The following DNER variants were observed in gnomAD, a reference collection of about 807,000 sequenced individuals.
DNER encodes the protein delta/notch like EGF repeat containing.
DNER carries 33 observed loss-of-function variants against 78.2 expected under a neutral mutation model. The observed-to-expected ratio is 0.42, with a 90% CI of 0.32 to 0.56. DNER has a LOEUF of 0.56. Among genes scored for constraint, DNER ranks in the 20% least tolerant of loss-of-function variants. The pLI is 0.11. For synonymous variants in DNER, 417 were observed against 384.8 expected (o/e 1.08, Z -0.98); for missense variants, 918 against 975.3 (o/e 0.94, Z 0.78).
intron 8 of DNER, among the ~76,000 whole-genome samples, chr2:229,430,562 C>T (rs55727371): frequency 6.6e-6 from 1 of 152,130 alleles, no homozygotes; most frequent in African/African-American, 2.4e-5. Context: ...GTGCTGGATG[C>T]TTCCTGCCCT....
chr2:229,588,602 T>C (rs1165459133), intron 2 of DNER, 114 bp from the exon 3 acceptor site: 2 of 825,558 alleles, frequency 2.4e-6, no homozygotes, highest in African/African-American at 3.4e-5. Flanking sequence ...GATGCGGGGG[T>C]AGGGCTAGAG....
At chr2:229,572,140 C>A (rs981156137) in intron 4 of DNER, among the ~76,000 whole-genome samples, 3 of 152,156 alleles carry the variant, frequency 2.0e-5, no homozygotes, top group Non-Finnish European at 4.4e-5. Flanking sequence ...TTCTCCCTCC[C>A]GTGTTGTTAC....
At position 229,522,025 on chromosome 2, in the gene DNER, A is replaced by C. The variant is rs550737253; in HGVS notation, c.994-9089T>G. ...ATTGCAAATGTTGTAGCTTATTATA[A>C]AAAAAAAAGACAAGCGTAGAAACAT... On this transcript the variant is annotated intron_variant, in intron 5 of 12. Transcript: ENST00000341772. 1.6e-4 allele frequency among the ~76,000 whole-genome samples: 24 copies of C among 149,846 alleles called. No individual in the cohort carries two copies. The South Asian group carries it at 5.3e-3, about 33-fold the overall frequency.
chr2:229,386,625 G>GA (rs1056610714), intron 11 of DNER, among the ~76,000 whole-genome samples: 36 of 136,298 alleles, frequency 2.6e-4, no homozygotes, highest in Middle Eastern at 3.5e-3. Flanking sequence ...AAATTTACAA[G>GA]AAAAAAAAAA....
At chr2:229,469,837 G>T (rs1694886458) in intron 7 of DNER, among the ~76,000 whole-genome samples, 1 of 152,176 alleles carries the variant, frequency 6.6e-6, no homozygotes, top group Admixed American at 6.5e-5. Flanking sequence ...CACCTACTCA[G>T]GAAGCTGAGG....
chr2:229,419,792 A>G (rs981922533), intron 8 of DNER, among the ~76,000 whole-genome samples: 11 of 151,562 alleles, frequency 7.3e-5, no homozygotes, highest in African/African-American at 2.4e-4. Context: ...CCTTCATTAG[A>G]TTATTTTCAT....
chr2:229,699,238 T>C (rs1268209098), intron 1 of DNER, among the ~76,000 whole-genome samples: 1 of 152,146 alleles, frequency 6.6e-6, no homozygotes, highest in African/African-American at 2.4e-5. Context: ...AGAATCTTGA[T>C]AAAATGGTTG....
At chr2:229,433,611 G>A (rs756158359) in intron 8 of DNER, among the ~76,000 whole-genome samples, 33 of 152,148 alleles carry the variant, frequency 2.2e-4, no homozygotes, top group Non-Finnish European at 3.4e-4. Context: ...ATTCAAATTC[G>A]TGAGGGCAAT....
At chr2:229,565,455 A>T (rs1052921784) in intron 4 of DNER, among the ~76,000 whole-genome samples, 1 of 152,216 alleles carries the variant, frequency 6.6e-6, no homozygotes, top group Non-Finnish European at 1.5e-5. Flanking sequence ...GGCTCTAGGC[A>T]TTACTTAAAG....
At chr2:229,642,611 G>T (rs931052566) in intron 1 of DNER, among the ~76,000 whole-genome samples, 1 of 152,218 alleles carries the variant, frequency 6.6e-6, no homozygotes, top group Non-Finnish European at 1.5e-5. Flanking sequence ...AGCCAGGTGA[G>T]TCACGGAAGT....
At position 229,551,494 on chromosome 2, in the gene DNER, C is replaced by T. The variant is rs928941065; in HGVS notation, c.848-4402G>A. Among the ~76,000 whole-genome samples the T allele has an allele frequency of 3.9e-5, 6 of 151,972 alleles. No homozygotes were observed. In the East Asian group the frequency reaches 9.7e-4, roughly 25 times the overall value. On this transcript the variant is annotated intron_variant, in intron 4 of 12. Coordinates refer to ENST00000341772, the MANE Select transcript of DNER (RefSeq NM_139072.4). ...ACTAAAAATTTAAAAATTAGCCAGG[C>T]GTGATGGTGAGCACCTGTAATCCCA...
At chr2:229,444,773 C>A (rs955723179) in intron 8 of DNER, among the ~76,000 whole-genome samples, 3 of 151,924 alleles carry the variant, frequency 2.0e-5, no homozygotes, top group African/African-American at 7.3e-5. Flanking sequence ...CCTGTAATCC[C>A]AACTACTTGG....
At chr2:229,700,296 G>A (rs6729787) in intron 1 of DNER, among the ~76,000 whole-genome samples, 11 of 48,422 alleles carry the variant, frequency 2.3e-4, no homozygotes, top group African/African-American at 4.4e-4. Context: ...GTGTGTGTGT[G>A]TGTGTGTGTG....
intron 9 of DNER, among the ~76,000 whole-genome samples, chr2:229,417,430 G>C (rs927798172): frequency 3.3e-5 from 5 of 152,198 alleles, no homozygotes; most frequent in African/African-American, 1.2e-4. Context: ...GGTTCTCCTG[G>C]AACAGGGCCG....
intron 5 of DNER, among the ~76,000 whole-genome samples, chr2:229,538,488 C>T (rs908447691): frequency 6.6e-6 from 1 of 152,086 alleles, no homozygotes; most frequent in African/African-American, 2.4e-5. Flanking sequence ...CCTCAGCCTC[C>T]TGAGTAGCTG....
intron 4 of DNER, among the ~76,000 whole-genome samples, chr2:229,557,192 T>C (rs1369553409): frequency 1.3e-5 from 2 of 152,208 alleles, no homozygotes; most frequent in African/African-American, 4.8e-5. Flanking sequence ...AGAGTGATCA[T>C]TTGAGAGCTG....
chr2:229,484,825 A>G (rs79390017), intron 6 of DNER, among the ~76,000 whole-genome samples: 19,055 of 152,178 alleles, frequency 0.13, 1,336 homozygotes, highest in South Asian at 0.2. Flanking sequence ...AGTCCTTCAG[A>G]CTATAAACCT....
intron 1 of DNER, among the ~76,000 whole-genome samples, chr2:229,674,546 T>C (rs1201676159): frequency 6.6e-6 from 1 of 152,226 alleles, no homozygotes; most frequent in African/African-American, 2.4e-5. Flanking sequence ...CCCAAAGTGC[T>C]AGGGTTACAG....
chr2:229,678,651 C>T (rs115086526), intron 1 of DNER, among the ~76,000 whole-genome samples: 25 of 152,190 alleles, frequency 1.6e-4, no homozygotes, highest in African/African-American at 5.8e-4. Context: ...TCTCAGAACC[C>T]GCCCTATATG....
Sources: allele counts gnomAD v4.1 joint callset (sites outside exome capture counted in the v4.1 genomes callset), GRCh38; gene constraint gnomAD v4.1.1; transcripts MANE v1.5; gene names NCBI Gene and HGNC (gene_info 2026-07-23, HGNC 2026-07-21).